The following MLLT1 variants were observed in gnomAD, a reference collection of about 807,000 sequenced individuals.
MLLT1 encodes the protein MLLT1 super elongation complex subunit, also known as protein ENL.
A neutral mutation model predicts 55.1 loss-of-function variants in MLLT1; 11 were observed. The observed-to-expected ratio is 0.20, with a 90% CI of 0.13 to 0.33. MLLT1 has a LOEUF of 0.33. Among genes scored for constraint, MLLT1 ranks in the 10% least tolerant of loss-of-function variants. The pLI is 1.00. For missense variants in MLLT1, 536 were observed against 760.6 expected, an observed-to-expected ratio of 0.70 and a Z score of 3.47; for synonymous variants, 323 against 320.1, an observed-to-expected ratio of 1.01 and a Z score of -0.10.
chr19:6,213,835 C>T (rs777176012), intron 9 of MLLT1, 38 bp from the exon 10 acceptor site: 1 of 1,605,774 alleles, frequency 6.2e-7, no homozygotes, highest in South Asian at 1.1e-5. Context: ...CTGTGGCCCA[C>T]ACCCTCCCCA....
chr19:6,270,315 CT>C lies in MLLT1; in HGVS notation c.193+263del, dbSNP rs1309830062. On this transcript the variant is annotated intron_variant, in intron 2 of 11. Transcript: ENST00000252674. The surrounding 1 kb of genome is among the most constrained non-coding windows in gnomAD (Gnocchi z 7.1). ...CTTCACCTGTCCCACCCATGCCAACCTGGCTGTGCTCCCTGGCTGCTTCCCA... is the reference window on the plus strand; with the variant it reads ...CTTCACCTGTCCCACCCATGCCAACCGGCTGTGCTCCCTGGCTGCTTCCCA... Among the ~76,000 whole-genome samples the C allele has an allele frequency of 4.6e-5, 7 of 152,384 alleles. No individual in the cohort carries two copies. Among genetic ancestry groups the C allele is most frequent in the African/African-American group, 1.4e-4 (6 of 41,604 alleles).
At chr19:6,213,513 G>T in intron 10 of MLLT1, 105 bp from the exon 11 acceptor site, 1 of 1,135,430 alleles carries the variant, frequency 8.8e-7, no homozygotes. Context: ...ACAGGACAGA[G>T]GTAGCCACAT....
chr19:6,245,521 T>C (rs920040869), intron 3 of MLLT1, among the ~76,000 whole-genome samples: 3 of 149,474 alleles, frequency 2.0e-5, no homozygotes, highest in African/African-American at 7.4e-5. Context: ...CCATCCTGGC[T>C]AACATGGTGA....
In MLLT1 at chr19:6,227,811, C is replaced by T. The variant is rs565465677; in HGVS notation, c.421-709G>A. ...GGGCTCCCAGGAAACACCTGCTGTG[C>T]AGGGGGAAGCTCGGAGCAAGGTCTT... On this transcript the variant is annotated intron_variant, in intron 4 of 11. Transcript: ENST00000252674. This position sits in a 1 kb window ranked among gnomAD's most constrained non-coding sequence, Gnocchi z 5.1. Among the ~76,000 whole-genome samples the T allele has an allele frequency of 6.6e-6, 1 of 152,270 alleles. No homozygotes were observed. The highest frequency in any genetic ancestry group is 2.1e-4 in the South Asian group (1 of 4,818).
chr19:6,234,862 A>C (rs370577978), intron 3 of MLLT1, among the ~76,000 whole-genome samples: 3 of 152,054 alleles, frequency 2.0e-5, no homozygotes, highest in Admixed American at 2.0e-4. Flanking sequence ...AAAGAATCAC[A>C]GCGTGTGGAT....
intron 3 of MLLT1, among the ~76,000 whole-genome samples, chr19:6,250,591 T>A (rs1335238938): frequency 6.6e-6 from 1 of 152,214 alleles, no homozygotes; most frequent in Non-Finnish European, 1.5e-5. Flanking sequence ...CCGAATACAA[T>A]GCCTACACAT....
At chr19:6,248,736 T>C (rs1051409018) in intron 3 of MLLT1, among the ~76,000 whole-genome samples, 7 of 152,156 alleles carry the variant, frequency 4.6e-5, no homozygotes, top group African/African-American at 1.7e-4. Flanking sequence ...AATTGAAAAC[T>C]GGGAAACCCA....
chr19:6,217,630 C>A (rs968094133), intron 7 of MLLT1, among the ~76,000 whole-genome samples: 1 of 152,128 alleles, frequency 6.6e-6, no homozygotes, highest in African/African-American at 2.4e-5. Flanking sequence ...TGACGCCGTC[C>A]GTCCATGGTC....
chr19:6,238,885 C>T (rs2091087952), intron 3 of MLLT1, among the ~76,000 whole-genome samples: 1 of 152,124 alleles, frequency 6.6e-6, no homozygotes, highest in Admixed American at 6.5e-5. Flanking sequence ...TGCTCTGCTT[C>T]AGGCGGCTAC....
At chr19:6,234,222 C>T (rs117072173) in intron 3 of MLLT1, among the ~76,000 whole-genome samples, 2,755 of 152,324 alleles carry the variant, frequency 0.018, 37 homozygotes, top group Middle Eastern at 0.051. Flanking sequence ...CTCGCGGGAC[C>T]CCCGGGCTCC....
Position 6,235,708 on chromosome 19 carries a change from G to A in MLLT1, c.277-4995C>T, listed in dbSNP as rs903682757. On this transcript the variant is annotated intron_variant, in intron 3 of 11. Transcript: ENST00000252674. The surrounding 1 kb of genome is among the most constrained non-coding windows in gnomAD (Gnocchi z 5.5). ...ACCACCTGCCTCCTAACCGTCACCC[G>A]CTTCCACCACAGCCCCCTTTCAGGC... 1.3e-5 allele frequency among the ~76,000 whole-genome samples: 2 copies of A among 152,114 alleles called. No individual in the cohort carries two copies. Among genetic ancestry groups the A allele is most frequent in the Non-Finnish European group, 2.9e-5 (2 of 68,018 alleles).
In MLLT1 at chr19:6,216,523, C is replaced by A. The variant is rs549319306; in HGVS notation, c.1199-10G>T. 2.0e-5 allele frequency: 19 copies of A among 966,332 alleles called. No individual in the cohort carries two copies. The African/African-American group carries it at 2.6e-4, about 13-fold the overall frequency. The allele number at this position is 966,332 out of a possible 1,614,324, so 59.9% of individuals were successfully genotyped here. ...ATGGAGCGCAGGGGTCCTGGGGAGG[C>A]GGGGCAGGGAGGGAGGGGAGACAAG... On this transcript the variant is annotated splice_polypyrimidine_tract_variant and intron_variant, in intron 7 of 11. Coordinates refer to ENST00000252674, the MANE Select transcript of MLLT1 (RefSeq NM_005934.4).
intron 5 of MLLT1, among the ~76,000 whole-genome samples, chr19:6,224,444 G>A: frequency 6.6e-6 from 1 of 152,254 alleles, no homozygotes; most frequent in East Asian, 1.9e-4. Flanking sequence ...GTGAGAGACT[G>A]CAATGCCACC....
chr19:6,274,272 C>T (rs1375349198), intron 1 of MLLT1, among the ~76,000 whole-genome samples: 2 of 152,216 alleles, frequency 1.3e-5, no homozygotes, highest in Non-Finnish European at 2.9e-5. Flanking sequence ...GCTCAAGCCA[C>T]GTCAACGGGA....
chr19:6,279,486 C>A (rs1248838569), intron 1 of MLLT1, among the ~76,000 whole-genome samples: 1 of 151,868 alleles, frequency 6.6e-6, no homozygotes, highest in Non-Finnish European at 1.5e-5. Flanking sequence ...ACTGGCGTTC[C>A]GAGGGGTCTC....
rs890874050 is a variant in MLLT1, at chr19:6,270,089, C to T, written c.193+490G>A. On this transcript the variant is annotated intron_variant, in intron 2 of 11. Coordinates refer to ENST00000252674, the MANE Select transcript of MLLT1 (RefSeq NM_005934.4). The surrounding 1 kb of genome is among the most constrained non-coding windows in gnomAD (Gnocchi z 7.1). Reference sequence around the variant, plus strand: ...AGGGCCCCCACGCCACAGGTGGAGACGCTGACAGAATACACGACTGAGGCA... The same window carrying T: ...AGGGCCCCCACGCCACAGGTGGAGATGCTGACAGAATACACGACTGAGGCA... Among the ~76,000 whole-genome samples, 5 of 151,654 alleles carry T rather than the reference C, an allele frequency of 3.3e-5. No homozygotes were observed. Among genetic ancestry groups the T allele is most frequent in the South Asian group, 2.1e-4 (1 of 4,790 alleles).
At chr19:6,218,087 T>A in intron 6 of MLLT1, 46 bp from the exon 7 acceptor site, 7 of 1,558,800 alleles carry the variant, frequency 4.5e-6, no homozygotes, top group Non-Finnish European at 6.1e-6. Flanking sequence ...AAGGGAGAGC[T>A]GTCACCTTTC....
intron 3 of MLLT1, among the ~76,000 whole-genome samples, chr19:6,249,687 G>A (rs974995879): frequency 1.3e-5 from 2 of 152,122 alleles, no homozygotes; most frequent in African/African-American, 4.8e-5. Flanking sequence ...CCCAGCAAGC[G>A]CTTTACTGTC....
chr19:6,233,978 T>C (rs1384399107), intron 3 of MLLT1, among the ~76,000 whole-genome samples: 2 of 147,370 alleles, frequency 1.4e-5, no homozygotes, highest in African/African-American at 4.9e-5. Flanking sequence ...GGTACGCAGC[T>C]GGCCTAGTTC....
Sources: gnomAD v4.1 joint callset for allele counts (sites outside exome capture counted in the v4.1 genomes callset) on GRCh38, gnomAD v4.1.1 for gene constraint, Gnocchi (gnomAD v3.1) non-coding constraint, MANE v1.5 for transcripts, NCBI Gene and HGNC (gene_info 2026-07-23, HGNC 2026-07-21) for gene names.